CDH7: variants seen among roughly 807,000 people sequenced by gnomAD.
CDH7 encodes cadherin 7, also known as cadherin-7.
Under a neutral mutation model 71.8 loss-of-function variants are expected in CDH7, and 25 were observed. The ratio of observed to expected loss-of-function variants is 0.35; its 90% CI spans 0.25 to 0.49. The LOEUF (loss-of-function observed/expected upper bound fraction) is 0.49. Among genes scored for constraint, CDH7 ranks in the 20% least tolerant of loss-of-function variants. CDH7 has a pLI of 0.99. For synonymous variants in CDH7, 381 were observed against 363.8 expected (o/e 1.05, Z -0.54); for missense variants, 862 against 974.6 (o/e 0.88, Z 1.54).
At chr18:65,800,151 C>T (rs944544747) in intron 2 of CDH7, among the ~76,000 whole-genome samples, 7 of 152,146 alleles carry the variant, frequency 4.6e-5, no homozygotes, top group Non-Finnish European at 7.3e-5. Context: ...GTGATCTTGG[C>T]TCACTGCAAC....
intron 8 of CDH7, among the ~76,000 whole-genome samples, chr18:65,858,354 TAAATA>T (rs1009384663): frequency 1.3e-4 from 19 of 151,980 alleles, no homozygotes; most frequent in African/African-American, 2.2e-4. Flanking sequence ...GATAAAATAA[TAAATA>T]AAATAAAATA....
chr18:65,769,175 T>G (rs2143803040), intron 2 of CDH7, among the ~76,000 whole-genome samples: 1 of 152,288 alleles, frequency 6.6e-6, no homozygotes, highest in East Asian at 1.9e-4. Context: ...GGACACCTGG[T>G]GCACCTCTGT....
intron 6 of CDH7, among the ~76,000 whole-genome samples, chr18:65,830,745 T>TTCTA (rs758760152): frequency 7.7e-6 from 1 of 129,580 alleles, no homozygotes; most frequent in East Asian, 2.1e-4. Context: ...CTTTCTTTCT[T>TTCTA]CCTCTTTCTT....
intron 2 of CDH7, among the ~76,000 whole-genome samples, chr18:65,774,273 T>A (rs1332307733): frequency 6.6e-6 from 1 of 151,976 alleles, no homozygotes; most frequent in African/African-American, 2.4e-5. Context: ...TCAATATATA[T>A]GATTAGAAAT....
chr18:65,821,583 A>T (rs4940654), intron 4 of CDH7, among the ~76,000 whole-genome samples: 146,304 of 152,248 alleles, frequency 0.96, 70,563 homozygotes, highest in East Asian at 1. Flanking sequence ...GATCTGTTGC[A>T]GATGTATGTG....
intron 2 of CDH7, among the ~76,000 whole-genome samples, chr18:65,798,414 A>C (rs953991058): frequency 6.6e-6 from 1 of 152,222 alleles, no homozygotes; most frequent in Non-Finnish European, 1.5e-5. Flanking sequence ...TGAAGGAGAG[A>C]GCATGGTATG....
chr18:65,826,475 T>G (rs1165456802), intron 6 of CDH7, among the ~76,000 whole-genome samples: 1 of 151,336 alleles, frequency 6.6e-6, no homozygotes, highest in African/African-American at 2.4e-5. Context: ...ATTGTAGTAA[T>G]GTGGAGATGT....
At chr18:65,867,885 T>G (rs1045744666) in intron 11 of CDH7, among the ~76,000 whole-genome samples, 2 of 152,252 alleles carry the variant, frequency 1.3e-5, no homozygotes, top group Admixed American at 6.5e-5. Context: ...TCCTCCAGTA[T>G]GTCTATGATG....
intron 2 of CDH7, among the ~76,000 whole-genome samples, chr18:65,793,251 G>A (rs1357053781): frequency 1.3e-5 from 2 of 151,962 alleles, no homozygotes; most frequent in East Asian, 3.9e-4. Context: ...ACCAGCCTGG[G>A]GCGAAACCCT....
rs58205964 is a variant in CDH7 at position 65,888,871 on chromosome 18, G to A, written c.*7977G>A. The A allele has an allele frequency of 6.6e-6, 1 of 152,040 alleles. No homozygotes were observed. Among genetic ancestry groups the A allele is most frequent in the Non-Finnish European group, 1.5e-5 (1 of 68,018 alleles). The allele number at this position is 152,040 out of a possible 1,614,324, so 9.4% of individuals were successfully genotyped here. A position where few individuals can be genotyped will look rare whatever the true frequency, so the allele number is the denominator to read the frequency against. On this transcript the variant is annotated 3_prime_UTR_variant, in exon 12 of 12. Transcript: ENST00000397968. ...TTATTAAGACTGTCAATAAATGATG[G>A]TTTGGTTTAAGAGGATAAGAAGATA...
At chr18:65,852,308 C>G (rs76129241) in intron 7 of CDH7, among the ~76,000 whole-genome samples, 1 of 152,088 alleles carries the variant, frequency 6.6e-6, no homozygotes, top group Non-Finnish European at 1.5e-5. Flanking sequence ...AGTCCAGTAT[C>G]GAAATAACCT....
chr18:65,819,373 G>A (rs972388438), intron 4 of CDH7, among the ~76,000 whole-genome samples: 1 of 152,126 alleles, frequency 6.6e-6, no homozygotes, highest in African/African-American at 2.4e-5. Context: ...ACAAAGAGCG[G>A]TACCATTTAA....
chr18:65,869,545 ATTTTTTTT>A (rs10696115), intron 11 of CDH7, among the ~76,000 whole-genome samples: 17 of 91,378 alleles, frequency 1.9e-4, no homozygotes, highest in East Asian at 4.0e-4. Context: ...AAGTGGGTCA[ATTTTTTTT>A]TTTTTTTTTT....
chr18:65,781,890 CTCTT>C (rs1255953112), intron 2 of CDH7, among the ~76,000 whole-genome samples: 1 of 98,216 alleles, frequency 1.0e-5, no homozygotes, highest in Non-Finnish European at 2.0e-5. Flanking sequence ...GTCTCTCTCT[CTCTT>C]TCTCTCTATC....
chr18:65,857,017 A>T (rs1165901462), intron 7 of CDH7, among the ~76,000 whole-genome samples: 1 of 12,062 alleles, frequency 8.3e-5, no homozygotes, highest in Non-Finnish European at 1.9e-4. Flanking sequence ...AGTAAGATTT[A>T]AAAAAAAAAA....
rs543864206 is a variant in CDH7, at chr18:65,839,530, G to T, written c.982-4282G>T. On this transcript the variant is annotated intron_variant, in intron 6 of 11. Transcript: ENST00000397968. Reference sequence around the variant, plus strand: ...TTTGAACATATGAATTTTTGTGGTGGTTGGGGGGCGGACACAAATATAAAA... The same window carrying T: ...TTTGAACATATGAATTTTTGTGGTGTTTGGGGGGCGGACACAAATATAAAA... 3.3e-5 allele frequency among the ~76,000 whole-genome samples: 5 copies of T among 152,302 alleles called. No homozygotes were observed. In the South Asian group the frequency reaches 1.0e-3, roughly 32 times the overall value.
At chr18:65,799,107 A>G (rs1317371696) in intron 2 of CDH7, among the ~76,000 whole-genome samples, 4 of 152,078 alleles carry the variant, frequency 2.6e-5, no homozygotes, top group African/African-American at 4.8e-5. Context: ...TGACTTGTCC[A>G]TTTGCCATTA....
At chr18:65,834,437 T>C (rs887846820) in intron 6 of CDH7, among the ~76,000 whole-genome samples, 2 of 152,198 alleles carry the variant, frequency 1.3e-5, no homozygotes, top group Admixed American at 1.3e-4. Flanking sequence ...AATGAAATGA[T>C]GAAAAGAAGG....
intron 7 of CDH7, among the ~76,000 whole-genome samples, chr18:65,845,655 CT>C (rs1166608960): frequency 1.3e-5 from 2 of 152,056 alleles, no homozygotes; most frequent in African/African-American, 4.8e-5. Context: ...AATTTGGTTT[CT>C]GCTTGAATCA....
Sources: allele counts gnomAD v4.1 joint callset (sites outside exome capture counted in the v4.1 genomes callset), GRCh38; gene constraint gnomAD v4.1.1; transcripts MANE v1.5; gene names NCBI Gene and HGNC (gene_info 2026-07-23, HGNC 2026-07-21).